BTBD8: variants seen among roughly 807,000 people sequenced by gnomAD.
BTBD8 encodes the protein BTB/POZ domain-containing protein 8.
Under a neutral mutation model 162.9 loss-of-function variants are expected in BTBD8, and 110 were observed. The observed-to-expected ratio is 0.68, with a 90% confidence interval of 0.58 to 0.79. The LOEUF is 0.79. BTBD8 is among the 30% of genes least tolerant of loss of function. The pLI is 0.00. For synonymous variants in BTBD8, 667 were observed against 716.1 expected (o/e 0.93, Z 1.10); for missense variants, 1,905 against 2,085.4 (o/e 0.91, Z 1.68).
chr1:92,115,907 A>T (rs1358850095), intron 4 of BTBD8: 1 of 152,306 alleles, frequency 6.6e-6, no homozygotes, highest in Non-Finnish European at 1.5e-5. Flanking sequence ...GGTTTAATTT[A>T]TGCTGCCATT....
intron 16 of BTBD8, among the ~76,000 whole-genome samples, chr1:92,179,239 C>G (rs1345527692): frequency 2.2e-5 from 2 of 92,680 alleles, no homozygotes; most frequent in African/African-American, 1.1e-4. Flanking sequence ...GAGCGAGACT[C>G]TATCTCAAAA....
At chr1:92,099,175 C>T (rs1417541500) in intron 2 of BTBD8, among the ~76,000 whole-genome samples, 1 of 152,228 alleles carries the variant, frequency 6.6e-6, no homozygotes, top group East Asian at 1.9e-4. Flanking sequence ...GTGTTATTGT[C>T]TGGACACCCT....
intron 13 of BTBD8, among the ~76,000 whole-genome samples, chr1:92,175,477 C>CAAAAAAAAAAAAAAAAAA (rs71091265): frequency 4.0e-4 from 15 of 37,454 alleles, no homozygotes; most frequent in African/African-American, 1.4e-3. Context: ...GACTCCATCT[C>CAAAAAAAAAAAAAAAAAA]AAAAAAAAAA....
intron 13 of BTBD8, among the ~76,000 whole-genome samples, chr1:92,174,623 A>T (rs1295418216): frequency 1.1e-5 from 1 of 89,208 alleles, no homozygotes; most frequent in Non-Finnish European, 2.4e-5. Flanking sequence ...AAAATAGAGA[A>T]ATGTTTTTTT....
At chr1:92,158,073 C>T (rs981062771) in intron 9 of BTBD8, among the ~76,000 whole-genome samples, 3 of 152,100 alleles carry the variant, frequency 2.0e-5, no homozygotes, top group African/African-American at 4.8e-5. Context: ...CTTTTTATTA[C>T]CATTGGTATG....
chr1:92,154,381 A>C (rs1650111155), intron 9 of BTBD8, among the ~76,000 whole-genome samples: 1 of 152,186 alleles, frequency 6.6e-6, no homozygotes. Flanking sequence ...TAGCAGCTGC[A>C]CCATTTTGCA....
In BTBD8 at chr1:92,181,319, TA is replaced by T; in HGVS notation, c.3641del (p.Asn1214IlefsTer24). 1.3e-6 allele frequency: 2 copies of T among 1,551,412 alleles called. No homozygotes were observed. The highest frequency in any genetic ancestry group is 1.7e-6 in the Non-Finnish European group (2 of 1,146,928). ...GACAGCTATCAGAAAAAAATTCTCC[TA>T]AAAATATGGAAACATCAGAATCTCC... is the stretch of plus-strand genomic sequence containing the variant. ...SGQLSEKNSPKNMETSESPES... is the reference protein window; with the variant it reads ...SGQLSEKNSPXNMETSESPES... On this transcript the variant is annotated frameshift_variant, in exon 17 of 18. Coordinates refer to ENST00000636805, the MANE Select transcript of BTBD8 (RefSeq NM_001376131.1). LOFTEE classifies it high-confidence loss of function.
intron 16 of BTBD8, among the ~76,000 whole-genome samples, chr1:92,180,040 G>A (rs893975167): frequency 6.6e-6 from 1 of 151,790 alleles, no homozygotes; most frequent in African/African-American, 2.4e-5. Flanking sequence ...ATTTTTACTG[G>A]GACCCTGGAG....
At chr1:92,171,068 A>G (rs1175146164) in intron 12 of BTBD8, among the ~76,000 whole-genome samples, 1 of 152,064 alleles carries the variant, frequency 6.6e-6, no homozygotes, top group Non-Finnish European at 1.5e-5. Flanking sequence ...TTGGAGAACT[A>G]AATGAAACCA....
At chr1:92,134,414 T>A (rs1211746733) in intron 5 of BTBD8, among the ~76,000 whole-genome samples, 1 of 152,242 alleles carries the variant, frequency 6.6e-6, no homozygotes, top group African/African-American at 2.4e-5. Context: ...CATTCTTACC[T>A]GCATTTGTGG....
In BTBD8 at chr1:92,080,816, C is replaced by T. The variant is rs1647989474; in HGVS notation, c.149+96C>T. The T allele has an allele frequency of 4.6e-6, 7 of 1,514,276 alleles. No homozygotes were observed. In the South Asian group the frequency reaches 6.3e-5, roughly 14 times the overall value. The allele number at this position is 1,514,276 out of a possible 1,614,324, so 93.8% of individuals were successfully genotyped here. The stretch of plus-strand genomic sequence containing the variant: ...CTTTCGGCTCTGCCTCCCCCTCCCT[C>T]AGCACTTGGTTCTCCTCGCCTCAGG... On this transcript the variant is annotated intron_variant, in intron 1 of 17. Transcript: ENST00000636805.
intron 5 of BTBD8, among the ~76,000 whole-genome samples, chr1:92,134,505 AT>A (rs565200452): frequency 1.6e-3 from 240 of 152,122 alleles, no homozygotes; most frequent in African/African-American, 5.5e-3. Flanking sequence ...TTCACCTAGT[AT>A]TTTGCATGGC....
intron 4 of BTBD8, among the ~76,000 whole-genome samples, chr1:92,119,564 G>T (rs1013101920): frequency 2.6e-5 from 4 of 151,856 alleles, no homozygotes; most frequent in South Asian, 4.1e-4. Context: ...AGGATTGCAG[G>T]TGTGAGCTGC....
intron 1 of BTBD8, among the ~76,000 whole-genome samples, chr1:92,082,761 ATGTAGAACTGGAAAGT>A (rs530703895): frequency 5.9e-5 from 9 of 152,280 alleles, no homozygotes; most frequent in African/African-American, 2.2e-4. Flanking sequence ...GCCAGCTCCA[ATGTAGAACTGGAAAGT>A]TGTTTGGGAT....
In BTBD8 at chr1:92,127,686, C is replaced by T. The variant is rs914365043; in HGVS notation, c.663-2001C>T. Among the ~76,000 whole-genome samples, 4 of 151,428 alleles carry T rather than the reference C, an allele frequency of 2.6e-5. No individual in the cohort carries two copies. In the South Asian group the frequency reaches 6.3e-4, roughly 24 times the overall value. On this transcript the variant is annotated intron_variant, in intron 4 of 17. Coordinates refer to ENST00000636805, the MANE Select transcript of BTBD8 (RefSeq NM_001376131.1). ...GCCTCCTGGGTTCAAGTGACTCTCC[C>T]GAGTAGCAGGGACTACAGGCACAGC...
intron 5 of BTBD8, among the ~76,000 whole-genome samples, chr1:92,130,547 C>T (rs1220425345): frequency 7.0e-6 from 1 of 142,044 alleles, no homozygotes; most frequent in Non-Finnish European, 1.6e-5. Flanking sequence ...TTTACACACA[C>T]ACACACACAC....
At chr1:92,149,283 C>T (rs903608936) in intron 9 of BTBD8, among the ~76,000 whole-genome samples, 8 of 152,036 alleles carry the variant, frequency 5.3e-5, no homozygotes, top group Non-Finnish European at 1.2e-4. Flanking sequence ...TTTGTATCTA[C>T]GTATTTAAGG....
intron 9 of BTBD8, among the ~76,000 whole-genome samples, chr1:92,164,244 T>A (rs966163890): frequency 1.3e-5 from 2 of 152,164 alleles, no homozygotes; most frequent in African/African-American, 4.8e-5. Flanking sequence ...CCCAGCACTT[T>A]GGGAGGCCGA....
At chr1:92,158,469 A>G (rs774598468) in intron 9 of BTBD8, among the ~76,000 whole-genome samples, 1 of 152,122 alleles carries the variant, frequency 6.6e-6, no homozygotes, top group African/African-American at 2.4e-5. Flanking sequence ...TTTAAGCTCA[A>G]TCCACATACA....
Sources: allele counts gnomAD v4.1 joint callset (sites outside exome capture counted in the v4.1 genomes callset), GRCh38; gene constraint gnomAD v4.1.1; transcripts MANE v1.5; gene names NCBI Gene and HGNC (gene_info 2026-07-23, HGNC 2026-07-21).